TRPM5: variants seen among roughly 807,000 people sequenced by gnomAD.
TRPM5 encodes transient receptor potential cation channel subfamily M member 5, also known as MLSN1 and TRP-related.
Under a neutral mutation model 124.9 loss-of-function variants are expected in TRPM5, and 121 were observed. The observed-to-expected ratio is 0.97, with a 90% CI of 0.84 to 1.13. TRPM5 has a LOEUF of 1.13. Among genes scored for constraint, TRPM5 ranks in the 50% most tolerant of loss-of-function variants. TRPM5 has a pLI of 0.00. For synonymous variants in TRPM5, 781 were observed against 700.5 expected (o/e 1.11, Z -1.81); for missense variants, 1,643 against 1,589.1 (o/e 1.03, Z -0.58).
rs374536786 is a variant in TRPM5, at chr11:2,415,385, G to T, written c.1215C>A (p.Asp405Glu). The T allele has an allele frequency of 1.4e-5, 22 of 1,590,844 alleles. No homozygotes were observed. The African/African-American group carries it at 2.5e-4, about 18-fold the overall frequency. ...GCCCATACGTCAGGAAGTCGGCCAC[G>T]TCTGCGCCGTTGTCCACAAAGAGGC... Residue 405 changes from aspartate to glutamate, a missense_variant, in exon 9 of 24, where the codon GAC becomes GAA. By Grantham distance (45) the Asp-to-Glu change is conservative. Coordinates refer to ENST00000155858, the Ensembl canonical transcript of TRPM5.
intron 19 of TRPM5, 92 bp from the exon 25 acceptor site, chr11:2,407,392 C>A (rs1381362183): frequency 7.9e-7 from 1 of 1,271,608 alleles, no homozygotes; most frequent in African/African-American, 1.5e-5. Context: ...TTGGGGAGCC[C>A]TTTTTGAAAC....
chr11:2,422,874 T>G (rs1432350766), intron 1 of TRPM5, 46 bp downstream of exon 6: 1 of 1,539,034 alleles, frequency 6.5e-7, no homozygotes, highest in Admixed American at 1.7e-5. Context: ...CCTCATGGGT[T>G]CCAGGTCAAG....
rs752522660 is a variant in TRPM5 at position 2,406,066 on chromosome 11, C to T, written c.3277G>A (p.Gly1093Arg). The T allele has an allele frequency of 1.5e-5, 24 of 1,612,162 alleles. No homozygotes were observed. Among genetic ancestry groups the T allele is most frequent in the African/African-American group, 1.3e-5 (1 of 75,012 alleles). ...CGCTTTTCTTGCTCTCTCAGACCCC[C>T]GAGGTACTTGGCAATGAAGTCCACT... Residue 1093 changes from glycine (G) to arginine (R), a missense_variant, in exon 22 of 24, where the codon GGG (glycine) becomes AGG (arginine). Gly to Arg is a moderately radical substitution (Grantham distance 125, BLOSUM62 -2). Coordinates refer to ENST00000155858, the Ensembl canonical transcript of TRPM5.
At chr11:2,441,959 G>A in the TRPM5 span, among the ~76,000 whole-genome samples, 1 of 152,162 alleles carries the variant, frequency 6.6e-6, no homozygotes, top group African/African-American at 2.4e-5. This position sits in a 1 kb window ranked among gnomAD's most constrained non-coding sequence, Gnocchi z 7.2. Flanking sequence ...AAAGTGCTGG[G>A]ATTACAGGTG....
chr11:2,411,491 G>T (rs149581467), exon 18 of TRPM5: 3 of 1,610,638 alleles, frequency 1.9e-6, no homozygotes, highest in Non-Finnish European at 2.5e-6. Context: ...CGAGCCACAC[G>T]CTCAGAAAGA....
chr11:2,441,843 C>A, the TRPM5 span, among the ~76,000 whole-genome samples: 1 of 152,118 alleles, frequency 6.6e-6, no homozygotes, highest in Admixed American at 6.5e-5. This position sits in a 1 kb window ranked among gnomAD's most constrained non-coding sequence, Gnocchi z 7.2. Context: ...GTGTGTGCCA[C>A]CACACCCAGC....
the TRPM5 span, among the ~76,000 whole-genome samples, chr11:2,435,045 C>T: frequency 0.023 from 3,453 of 152,242 alleles, 70 homozygotes; most frequent in Non-Finnish European, 0.034. This position sits in a 1 kb window ranked among gnomAD's most constrained non-coding sequence, Gnocchi z 4.1. Flanking sequence ...GAGCAATCCT[C>T]CCACCTCGGC....
chr11:2,442,711 T>A, the TRPM5 span, among the ~76,000 whole-genome samples: 2 of 152,242 alleles, frequency 1.3e-5, no homozygotes, highest in Non-Finnish European at 2.9e-5. The surrounding 1 kb of genome is among the most constrained non-coding windows in gnomAD (Gnocchi z 5.9). Flanking sequence ...CACCTGTGCC[T>A]GCTGCCTCTC....
intron 11 of TRPM5, 97 bp from the exon 17 acceptor site, chr11:2,414,303 A>G (rs1850520493): frequency 6.8e-7 from 1 of 1,475,338 alleles, no homozygotes; most frequent in African/African-American, 1.4e-5. Context: ...TGGGCTCTGC[A>G]GCCGCACCCT....
At chr11:2,406,901 G>T in intron 20 of TRPM5, 108 bp from the exon 26 acceptor site, 5 of 1,477,784 alleles carry the variant, frequency 3.4e-6, no homozygotes, top group Non-Finnish European at 4.5e-6. Context: ...AGTGAGTGGG[G>T]CCCAGCCAGG....
At chr11:2,411,748 C>G in exon 17 of TRPM5, 4 of 1,612,618 alleles carry the variant, frequency 2.5e-6, no homozygotes, top group Non-Finnish European at 2.5e-6. Context: ...CGGCCAGCCT[C>G]AAACGCCGAC....
At chr11:2,419,475 G>T (rs1845735113) in intron 4 of TRPM5, among the ~76,000 whole-genome samples, 1 of 151,688 alleles carries the variant, frequency 6.6e-6, no homozygotes, top group South Asian at 2.1e-4. Flanking sequence ...AAAGAGCCGG[G>T]CATGGTGGCA....
chr11:2,411,895 T>A (rs1850460491), intron 16 of TRPM5, 128 bp from the exon 22 acceptor site: 2 of 1,174,698 alleles, frequency 1.7e-6, no homozygotes, highest in Admixed American at 4.9e-5. Context: ...CTGAGTGGCT[T>A]CATCTTTTGT....
rs999607576 is a variant in TRPM5 at position 2,410,422 on chromosome 11, G to A, written c.2782+930C>T. 4.6e-4 allele frequency among the ~76,000 whole-genome samples: 18 copies of A among 39,436 alleles called. No homozygotes were observed. In the East Asian group the frequency reaches 8.2e-3, roughly 18 times the overall value. The allele number at this position is 39,436 out of a possible 152,430, so 25.9% of individuals were successfully genotyped here. A position where few individuals can be genotyped will look rare whatever the true frequency, so the allele number is the denominator to read the frequency against. On this transcript the variant is annotated intron_variant, in intron 18 of 23. Coordinates refer to ENST00000155858, the Ensembl canonical transcript of TRPM5. ...CGGGCAGCCCCAGCCGCCTGACACC[G>A]CCTGAGCAGTTTCCCTGCACCTTCT... is the stretch of plus-strand genomic sequence containing the variant.
chr11:2,422,855 G>T, intron 1 of TRPM5, 65 bp downstream of exon 6: 1 of 1,426,096 alleles, frequency 7.0e-7, no homozygotes, highest in Non-Finnish European at 9.9e-7. Flanking sequence ...TCCAGGGAAG[G>T]AAATGGGGCC....
chr11:2,404,697 G>C lies in TRPM5; in HGVS notation c.*240C>G, dbSNP rs1850276960. On this transcript the variant is annotated 3_prime_UTR_variant, in exon 24 of 24. Coordinates refer to ENST00000155858, the Ensembl canonical transcript of TRPM5. ...TGCGGTGGGGCACGTTTTCTGCCCG[G>C]GGAGTTGTGCCTGTCAGGGGAGACA... is the stretch of plus-strand genomic sequence containing the variant. 1.3e-5 allele frequency: 7 copies of C among 531,638 alleles called. No individual in the cohort carries two copies. In the South Asian group the frequency reaches 1.7e-4, roughly 13 times the overall value. 32.9% of individuals were successfully genotyped at this position (531,638 alleles called of 1,614,324 possible). A position where few individuals can be genotyped will look rare whatever the true frequency, so the allele number is the denominator to read the frequency against.
At chr11:2,406,455 A>G (rs1254299691) in intron 21 of TRPM5, among the ~76,000 whole-genome samples, 1 of 152,058 alleles carries the variant, frequency 6.6e-6, no homozygotes, top group Non-Finnish European at 1.5e-5. Context: ...GTCACTGTGC[A>G]CGCTCCCTTT....
chr11:2,418,640 C>T, intron 4 of TRPM5, 49 bp from the exon 10 acceptor site: 1 of 1,561,382 alleles, frequency 6.4e-7, no homozygotes, highest in Non-Finnish European at 8.7e-7. Context: ...CCTGGGGTGA[C>T]CACCCGGATC....
chr11:2,423,834 C>T (rs373483469), upstream of TRPM5, among the ~76,000 whole-genome samples: 20 of 152,312 alleles, frequency 1.3e-4, no homozygotes, highest in South Asian at 2.1e-3. Context: ...GGCCCCTCAG[C>T]GCCCTGGCTC....
Sources: gnomAD v4.1 joint callset for allele counts (sites outside exome capture counted in the v4.1 genomes callset) on GRCh38, gnomAD v4.1.1 for gene constraint, Gnocchi (gnomAD v3.1) non-coding constraint, MANE v1.5 for transcripts, NCBI Gene and HGNC (gene_info 2026-07-23, HGNC 2026-07-21) for gene names.